ZMIZ1: variants seen among roughly 807,000 people sequenced by gnomAD.
The protein encoded by ZMIZ1 is zinc finger MIZ-type containing 1, also known as zinc finger MIZ domain-containing protein 1.
ZMIZ1 carries 17 observed loss-of-function variants against 113.9 expected under a neutral mutation model. The observed-to-expected ratio is 0.15, with a 90% CI of 0.10 to 0.22. The LOEUF (loss-of-function observed/expected upper bound fraction) is 0.22. Among genes scored for constraint, ZMIZ1 ranks in the 10% least tolerant of loss-of-function variants. The probability of loss-of-function intolerance (pLI) is 1.00; values close to 1 mark genes in which losing one functional copy is unlikely to be tolerated. For missense variants in ZMIZ1, 1,059 were observed against 1,477.8 expected (o/e 0.72, Z 4.65); for synonymous variants, 607 against 603.1 (o/e 1.01, Z -0.09).
intron 7 of ZMIZ1, among the ~76,000 whole-genome samples, chr10:79,254,662 A>G (rs1356566551): frequency 6.6e-6 from 1 of 152,224 alleles, no homozygotes; most frequent in Non-Finnish European, 1.5e-5. Context: ...GTGATATTCC[A>G]TGCCATGGGT....
At chr10:79,258,567 T>TA (rs1395427892) in intron 7 of ZMIZ1, among the ~76,000 whole-genome samples, 1 of 152,238 alleles carries the variant, frequency 6.6e-6, no homozygotes, top group Non-Finnish European at 1.5e-5. Context: ...TGTACTGTGT[T>TA]ATCCCATTTC....
At chr10:79,198,039 C>T (rs951505807) in intron 4 of ZMIZ1, among the ~76,000 whole-genome samples, 1 of 152,060 alleles carries the variant, frequency 6.6e-6, no homozygotes, top group South Asian at 2.1e-4. Flanking sequence ...ATGGGTGGAT[C>T]ACGAGATCAA....
At chr10:79,302,742 G>A (rs551682722) in intron 18 of ZMIZ1, among the ~76,000 whole-genome samples, 2 of 144,422 alleles carry the variant, frequency 1.4e-5, no homozygotes, top group East Asian at 2.0e-4. Flanking sequence ...TACCCAGGCT[G>A]GAGTGCAGTG....
chr10:79,265,413 C>T (rs1434721452), intron 7 of ZMIZ1, among the ~76,000 whole-genome samples: 8 of 151,414 alleles, frequency 5.3e-5, no homozygotes, highest in Non-Finnish European at 8.8e-5. Flanking sequence ...GCAGCAGAGA[C>T]GGACAGGGTC....
chr10:79,097,845 A>G (rs1451516286), intron 1 of ZMIZ1, among the ~76,000 whole-genome samples: 1 of 152,000 alleles, frequency 6.6e-6, no homozygotes, highest in Non-Finnish European at 1.5e-5. Context: ...CCCCCACCCA[A>G]CAGTGTGAGG....
intron 1 of ZMIZ1, among the ~76,000 whole-genome samples, chr10:79,080,974 G>A (rs144712028): frequency 1.3e-5 from 2 of 152,080 alleles, no homozygotes; most frequent in African/African-American, 2.4e-5. Flanking sequence ...GGACCTTGGC[G>A]CCCATCTCAT....
At chr10:79,110,164 A>G (rs887499087) in intron 1 of ZMIZ1, among the ~76,000 whole-genome samples, 10 of 152,186 alleles carry the variant, frequency 6.6e-5, no homozygotes, top group Admixed American at 6.5e-4. Flanking sequence ...CTGCATCTCT[A>G]TTATCCTTAG....
intron 7 of ZMIZ1, among the ~76,000 whole-genome samples, chr10:79,253,564 TGG>T (rs1449700646): frequency 6.6e-6 from 1 of 151,878 alleles, no homozygotes; most frequent in Non-Finnish European, 1.5e-5. Context: ...CAGCAAGGGG[TGG>T]GAACTGAGGG....
At chr10:79,195,860 G>A (rs1378442295) in intron 4 of ZMIZ1, among the ~76,000 whole-genome samples, 1 of 152,156 alleles carries the variant, frequency 6.6e-6, no homozygotes, top group Non-Finnish European at 1.5e-5. Flanking sequence ...GCAGCTTTCC[G>A]GCTGTGTCAC....
intron 7 of ZMIZ1, among the ~76,000 whole-genome samples, chr10:79,266,686 G>C (rs1357956919): frequency 6.6e-6 from 1 of 152,220 alleles, no homozygotes; most frequent in Non-Finnish European, 1.5e-5. Flanking sequence ...AGGACTGTGA[G>C]TCTCTGTGGT....
chr10:79,128,660 C>T (rs745475029), intron 2 of ZMIZ1, among the ~76,000 whole-genome samples: 1 of 152,064 alleles, frequency 6.6e-6, no homozygotes, highest in Non-Finnish European at 1.5e-5. Flanking sequence ...TCTTGAAGAC[C>T]CAGGCTAAGG....
intron 1 of ZMIZ1, among the ~76,000 whole-genome samples, chr10:79,073,520 T>C (rs1842366166): frequency 6.6e-6 from 1 of 152,170 alleles, no homozygotes; most frequent in African/African-American, 2.4e-5. Context: ...CTACATGCCT[T>C]CTGCAAATCC....
In ZMIZ1 at chr10:79,313,418, CTG is replaced by C. The variant is rs1344768762; in HGVS notation, c.*673_*674del. ...GAAAGCAGAGAAAAAGGACAAGAGT[CTG>C]TGTTTGAGAGGGGGTCTGCCATTCC... On this transcript the variant is annotated 3_prime_UTR_variant, in exon 25 of 25. Coordinates refer to ENST00000334512, the MANE Select transcript of ZMIZ1 (RefSeq NM_020338.4). 8 of 156,948 alleles carry C rather than the reference CTG, an allele frequency of 5.1e-5. No homozygotes were observed. In the South Asian group the frequency reaches 5.8e-4, roughly 11 times the overall value. The allele number at this position is 156,948 out of a possible 1,614,324, so 9.7% of individuals were successfully genotyped here.
chr10:79,301,196 C>T (rs971834820), intron 17 of ZMIZ1, among the ~76,000 whole-genome samples: 4 of 152,158 alleles, frequency 2.6e-5, no homozygotes, highest in African/African-American at 4.8e-5. Context: ...ACTCAGCCTC[C>T]GTCTGTTCTC....
chr10:79,072,069 A>G lies in ZMIZ1; in HGVS notation c.-337+2799A>G, dbSNP rs1231598651. On this transcript the variant is annotated intron_variant, in intron 1 of 24. Coordinates refer to ENST00000334512, the MANE Select transcript of ZMIZ1 (RefSeq NM_020338.4). ...GGCTTACTGAGAAGAGTTGGGAATA[A>G]GAAATTGCTGGACTTATGAATAAAT... Among the ~76,000 whole-genome samples, 40 of 152,172 alleles carry G rather than the reference A, an allele frequency of 2.6e-4. 1 individual carries two copies. Among genetic ancestry groups the G allele is most frequent in the Non-Finnish European group, 5.3e-4 (36 of 68,036 alleles).
At chr10:79,098,933 T>C (rs943306073) in intron 1 of ZMIZ1, among the ~76,000 whole-genome samples, 1 of 152,222 alleles carries the variant, frequency 6.6e-6, no homozygotes, top group Non-Finnish European at 1.5e-5. Flanking sequence ...GGGACTTGAC[T>C]GTGGTGCAGA....
At chr10:79,104,535 G>C (rs923093075) in intron 1 of ZMIZ1, among the ~76,000 whole-genome samples, 4 of 152,216 alleles carry the variant, frequency 2.6e-5, no homozygotes, top group Non-Finnish European at 5.9e-5. Flanking sequence ...TACCCACCAA[G>C]GTACAGAGAT....
intron 8 of ZMIZ1, among the ~76,000 whole-genome samples, chr10:79,279,094 G>A (rs1852514908): frequency 6.7e-6 from 1 of 149,208 alleles, no homozygotes; most frequent in African/African-American, 2.5e-5. Flanking sequence ...GGGGCAGCTG[G>A]CCGGACAGGG....
chr10:79,140,585 C>T (rs1417706405), intron 3 of ZMIZ1, among the ~76,000 whole-genome samples: 3 of 152,108 alleles, frequency 2.0e-5, no homozygotes, highest in Admixed American at 2.0e-4. Context: ...CTGTCCATCT[C>T]TCCATCCATC....
Sources: gnomAD v4.1 joint callset for allele counts (sites outside exome capture counted in the v4.1 genomes callset) on GRCh38, gnomAD v4.1.1 for gene constraint, MANE v1.5 for transcripts, NCBI Gene and HGNC (gene_info 2026-07-23, HGNC 2026-07-21) for gene names.